ZNF609: variants seen among roughly 807,000 people sequenced by gnomAD.
The protein encoded by ZNF609 is zinc finger protein 609.
A neutral mutation model predicts 109.5 loss-of-function variants in ZNF609; 11 were observed. The observed-to-expected ratio is 0.10, with a 90% CI of 0.06 to 0.17. The LOEUF (loss-of-function observed/expected upper bound fraction) is 0.17, where lower values mean the gene tolerates loss of function less well. Among genes scored for constraint, ZNF609 ranks in the 10% least tolerant of loss-of-function variants. The pLI is 1.00. For missense variants in ZNF609, 1,559 were observed against 1,772.4 expected (o/e 0.88, Z 2.16); for synonymous variants, 646 against 662.0 (o/e 0.98, Z 0.37).
rs2083218164 is a variant in ZNF609, at chr15:64,682,737, G to A, written c.*1051G>A. 1 of 152,440 alleles carries A rather than the reference G, an allele frequency of 6.6e-6. No homozygotes were observed. The highest frequency in any genetic ancestry group is 1.5e-5 in the Non-Finnish European group (1 of 68,084). 9.4% of individuals were successfully genotyped at this position (152,440 alleles called of 1,614,324 possible). ...GGAGCACCCAGCAGTTCTTGGAGAT[G>A]TCCTGTCATCTAGCCATCTGATATC... On this transcript the variant is annotated 3_prime_UTR_variant, in exon 10 of 10. Transcript: ENST00000326648.
chr15:64,554,367 C>A (rs1894541032), intron 2 of ZNF609, among the ~76,000 whole-genome samples: 1 of 152,154 alleles, frequency 6.6e-6, no homozygotes, highest in Non-Finnish European at 1.5e-5. Flanking sequence ...CTTGGCCTAG[C>A]ACAGTGGCTC....
intron 2 of ZNF609, among the ~76,000 whole-genome samples, chr15:64,603,754 A>T (rs1895545477): frequency 6.6e-6 from 1 of 151,354 alleles, no homozygotes; most frequent in Non-Finnish European, 1.5e-5. Flanking sequence ...TAATCCCAGC[A>T]CTTTGGGAGG....
intron 4 of ZNF609, chr15:64,671,230 A>T (rs1466615293): frequency 6.6e-6 from 1 of 151,328 alleles, no homozygotes; most frequent in Non-Finnish European, 1.5e-5. Flanking sequence ...AAAAAAAAAA[A>T]AATTAATTAA....
chr15:64,679,351 A>G (rs907553579), intron 6 of ZNF609, among the ~76,000 whole-genome samples: 10 of 152,196 alleles, frequency 6.6e-5, no homozygotes, highest in African/African-American at 2.4e-4. Context: ...AGATACAGGC[A>G]TGAGCCACCG....
chr15:64,558,193 T>G (rs1357762265), intron 2 of ZNF609, among the ~76,000 whole-genome samples: 4 of 152,188 alleles, frequency 2.6e-5, no homozygotes, highest in Non-Finnish European at 5.9e-5. Flanking sequence ...TGCTGTACCT[T>G]TTTTGTTCTC....
intron 2 of ZNF609, among the ~76,000 whole-genome samples, chr15:64,592,454 T>G (rs1895315561): frequency 6.6e-6 from 1 of 152,128 alleles, no homozygotes; most frequent in Admixed American, 6.5e-5. Flanking sequence ...GGCAGGTGCC[T>G]GTAATCCTAG....
At chr15:64,627,692 G>C (rs1895992921) in intron 3 of ZNF609, among the ~76,000 whole-genome samples, 1 of 98,768 alleles carries the variant, frequency 1.0e-5, no homozygotes, top group Non-Finnish European at 2.0e-5. Flanking sequence ...TTTTGAGACA[G>C]GGTCAAGCTG....
chr15:64,520,965 G>A (rs990174924), intron 2 of ZNF609, among the ~76,000 whole-genome samples: 8 of 152,126 alleles, frequency 5.3e-5, no homozygotes, highest in Admixed American at 5.2e-4. Context: ...TTTACCTGAT[G>A]GCCACTGAAG....
At chr15:64,517,812 C>T (rs896554154) in intron 2 of ZNF609, among the ~76,000 whole-genome samples, 14 of 151,820 alleles carry the variant, frequency 9.2e-5, no homozygotes, top group African/African-American at 3.4e-4. Flanking sequence ...TTTTTAGACA[C>T]TCTGTCACCC....
At chr15:64,625,781 C>T (rs1468693982) in intron 3 of ZNF609, among the ~76,000 whole-genome samples, 43 of 137,612 alleles carry the variant, frequency 3.1e-4, no homozygotes, top group African/African-American at 1.1e-3. Flanking sequence ...CCCAGCTACT[C>T]GGGAGGCTGA....
intron 3 of ZNF609, among the ~76,000 whole-genome samples, chr15:64,669,751 T>C (rs1461492583): frequency 6.6e-6 from 1 of 152,168 alleles, no homozygotes; most frequent in Non-Finnish European, 1.5e-5. Context: ...CACTGCAAAC[T>C]CCACCTCCTG....
intron 1 of ZNF609, among the ~76,000 whole-genome samples, chr15:64,498,971 G>A (rs1893520215): frequency 6.6e-6 from 1 of 152,178 alleles, no homozygotes; most frequent in South Asian, 2.1e-4. Context: ...TATTGATTGA[G>A]GAAGGGTTGC....
intron 2 of ZNF609, among the ~76,000 whole-genome samples, chr15:64,602,503 A>C (rs1895516001): frequency 6.6e-6 from 1 of 152,148 alleles, no homozygotes; most frequent in Admixed American, 6.6e-5. Flanking sequence ...AGGAAGCAAT[A>C]AATTAAAGTT....
chr15:64,556,708 T>C (rs1189705867), intron 2 of ZNF609, among the ~76,000 whole-genome samples: 2 of 152,240 alleles, frequency 1.3e-5, no homozygotes, highest in East Asian at 3.8e-4. Flanking sequence ...TAACACCATG[T>C]TGACCAGTTC....
At chr15:64,540,594 C>T (rs749163917) in intron 2 of ZNF609, among the ~76,000 whole-genome samples, 4 of 151,386 alleles carry the variant, frequency 2.6e-5, no homozygotes, top group South Asian at 2.1e-4. Context: ...TTAGTAGAGA[C>T]GGGGTTTCAC....
intron 2 of ZNF609, among the ~76,000 whole-genome samples, chr15:64,578,841 A>C (rs1049557523): frequency 1.3e-5 from 2 of 152,162 alleles, no homozygotes; most frequent in Non-Finnish European, 2.9e-5. Context: ...TGTACAAAAA[A>C]GTACAAAAAC....
At position 64,500,348 on chromosome 15, in the gene ZNF609, G is replaced by A; in HGVS notation, c.747+182G>A. The stretch of plus-strand genomic sequence containing the variant: ...TTCCAAATTAGAGGATTCCCCTACA[G>A]ACTCATTTACAGCAGGCCTGGACAT... On this transcript the variant is annotated intron_variant, in intron 2 of 9. Coordinates refer to ENST00000326648, the MANE Select transcript of ZNF609 (RefSeq NM_015042.2). The A allele has an allele frequency of 4.5e-6, 4 of 880,962 alleles. No individual in the cohort carries two copies. In the South Asian group the frequency reaches 5.6e-5, roughly 12 times the overall value. The allele number at this position is 880,962 out of a possible 1,614,324, so 54.6% of individuals were successfully genotyped here.
chr15:64,634,805 C>T (rs2063882553), intron 3 of ZNF609, among the ~76,000 whole-genome samples: 1 of 152,154 alleles, frequency 6.6e-6, no homozygotes, highest in Non-Finnish European at 1.5e-5. Context: ...CACAAATCTT[C>T]ATAGCAACAG....
intron 2 of ZNF609, among the ~76,000 whole-genome samples, chr15:64,568,405 A>G (rs1376203592): frequency 6.6e-6 from 1 of 152,170 alleles, no homozygotes; most frequent in African/African-American, 2.4e-5. Flanking sequence ...ATGGTTTTAT[A>G]TTTGGGAACC....
Sources: allele counts gnomAD v4.1 joint callset (sites outside exome capture counted in the v4.1 genomes callset), GRCh38; gene constraint gnomAD v4.1.1; transcripts MANE v1.5; gene names NCBI Gene and HGNC (gene_info 2026-07-23, HGNC 2026-07-21).